The following TSHZ2 variants were observed in gnomAD, a reference collection of about 807,000 sequenced individuals.
TSHZ2 encodes teashirt homolog 2.
In TSHZ2, 21 loss-of-function variants were observed where a neutral mutation model predicts 74.4. The ratio of observed to expected loss-of-function variants is 0.28; its 90% CI spans 0.20 to 0.41. The LOEUF is 0.41. TSHZ2 is among the 10% of genes least tolerant of loss of function. TSHZ2 has a pLI of 1.00. For synonymous variants in TSHZ2, 540 were observed against 515.3 expected (o/e 1.05, Z -0.65); for missense variants, 1,244 against 1,293.5 (o/e 0.96, Z 0.59).
intron 2 of TSHZ2, chr20:53,421,164 C>T (rs1432843097): frequency 6.6e-6 from 1 of 152,440 alleles, no homozygotes; most frequent in Non-Finnish European, 1.5e-5. Flanking sequence ...ATAAGACTCA[C>T]TGACTCCATC....
At chr20:53,296,369 A>G (rs755956038) in intron 2 of TSHZ2, among the ~76,000 whole-genome samples, 2 of 152,220 alleles carry the variant, frequency 1.3e-5, no homozygotes, top group African/African-American at 2.4e-5. Context: ...AAAGATTGCA[A>G]TCTATCCTAT....
chr20:53,214,051 G>A (rs1168224215), intron 1 of TSHZ2, among the ~76,000 whole-genome samples: 1 of 152,156 alleles, frequency 6.6e-6, no homozygotes, highest in Non-Finnish European at 1.5e-5. Context: ...CAAATTCAGT[G>A]TGAAAACACA....
intron 1 of TSHZ2, among the ~76,000 whole-genome samples, chr20:53,171,035 A>G (rs1735414723): frequency 6.6e-6 from 1 of 151,970 alleles, no homozygotes; most frequent in South Asian, 2.1e-4. Context: ...TATGCACCGC[A>G]GCTTTAATTT....
intron 1 of TSHZ2, among the ~76,000 whole-genome samples, chr20:52,981,673 C>A (rs977417951): frequency 1.3e-5 from 2 of 152,204 alleles, no homozygotes; most frequent in Non-Finnish European, 2.9e-5. Flanking sequence ...GTTTTAGCCT[C>A]TTCTCCTGAG....
At chr20:53,455,832 T>C (rs1347628717) in intron 2 of TSHZ2, among the ~76,000 whole-genome samples, 2 of 151,646 alleles carry the variant, frequency 1.3e-5, no homozygotes, top group Admixed American at 6.6e-5. Context: ...GTTCTTGCGA[T>C]AGTTTACTGA....
In TSHZ2 at chr20:53,410,587, CATTATT is replaced by C. The variant is rs71194476; in HGVS notation, c.*9-76522_*9-76517del. Among the ~76,000 whole-genome samples the C allele has an allele frequency of 7.7e-3, 1,095 of 141,838 alleles. 10 individuals carry two copies. Among genetic ancestry groups the C allele is most frequent in the African/African-American group, 0.02 (763 of 38,420 alleles). 93.1% of individuals were successfully genotyped at this position (141,838 alleles called of 152,430 possible). On this transcript the variant is annotated intron_variant, in intron 2 of 2. Transcript: ENST00000371497. ...TTTGGGAATTCTGTTATTATCGTCA[CATTATT>C]ATTATTATTATTATTATTATTATTA... is the stretch of plus-strand genomic sequence containing the variant.
intron 1 of TSHZ2, among the ~76,000 whole-genome samples, chr20:53,210,216 C>A (rs1257973148): frequency 6.6e-6 from 1 of 152,174 alleles, no homozygotes; most frequent in Non-Finnish European, 1.5e-5. Flanking sequence ...TTTAGCCCTG[C>A]CATCCACGGA....
At chr20:53,419,341 A>G (rs1363068342) in intron 2 of TSHZ2, among the ~76,000 whole-genome samples, 2 of 152,232 alleles carry the variant, frequency 1.3e-5, no homozygotes, top group Non-Finnish European at 2.9e-5. Context: ...TTTATCTTCA[A>G]AATGGAAGGA....
chr20:53,182,175 TTCCTTCCTTTTCTTTC>T lies in TSHZ2; in HGVS notation c.41-71322_41-71307del, dbSNP rs981062809. Among the ~76,000 whole-genome samples the T allele has an allele frequency of 1.3e-4, 17 of 134,180 alleles. 1 individual carries two copies. In the East Asian group the frequency reaches 3.9e-3, roughly 31 times the overall value. 88.0% of individuals were successfully genotyped at this position (134,180 alleles called of 152,430 possible). On this transcript the variant is annotated intron_variant, in intron 1 of 2. Transcript: ENST00000371497. ...TCCCTCTCTTCCTTTTCTTTCTTTC[TTCCTTCCTTTTCTTTC>T]TTTCTTCTTCTCTTCCTCACTCCCT...
At chr20:53,061,440 G>A (rs1172579891) in intron 1 of TSHZ2, among the ~76,000 whole-genome samples, 1 of 152,156 alleles carries the variant, frequency 6.6e-6, no homozygotes, top group Non-Finnish European at 1.5e-5. Context: ...CATAAGAGAT[G>A]AAAAGGAAAA....
rs1170597208 is a variant in TSHZ2 at position 52,972,437 on chromosome 20, T to TTG, written c.-846_-845dup. ...TGTGTGCGAGGGTGTGTGTGTGTGT[T>TTG]TGTGTGTGTGTGCATATGTGGGGGG... On this transcript the variant is annotated 5_prime_UTR_variant, in exon 1 of 3. It introduces an in-frame stop codon into an upstream open reading frame of the 5' UTR. Coordinates refer to ENST00000371497, the MANE Select transcript of TSHZ2 (RefSeq NM_173485.6). 3 of 150,320 alleles carry TTG rather than the reference T, an allele frequency of 2.0e-5. No individual in the cohort carries two copies. The highest frequency in any genetic ancestry group is 2.0e-4 in the East Asian group (1 of 5,068). The allele number at this position is 150,320 out of a possible 1,614,324, so 9.3% of individuals were successfully genotyped here. A position where few individuals can be genotyped will look rare whatever the true frequency, so the allele number is the denominator to read the frequency against.
chr20:53,381,780 G>A (rs1981866322), intron 2 of TSHZ2, among the ~76,000 whole-genome samples: 1 of 151,996 alleles, frequency 6.6e-6, no homozygotes, highest in African/African-American at 2.4e-5. Flanking sequence ...CATGACTTTT[G>A]GTGTCTGTGT....
In TSHZ2 at chr20:53,493,903, T is replaced by C. The variant is rs1183164444; in HGVS notation, c.*6768T>C. ...CATTATCCTGAATATTAGCTTTCAA[T>C]GCAGTCACTATTTGACATTTCCAAA... On this transcript the variant is annotated 3_prime_UTR_variant, in exon 3 of 3. Transcript: ENST00000371497. The C allele has an allele frequency of 6.6e-6, 1 of 152,226 alleles. No homozygotes were observed. Among genetic ancestry groups the C allele is most frequent in the Non-Finnish European group, 1.5e-5 (1 of 68,042 alleles). 9.4% of individuals were successfully genotyped at this position (152,226 alleles called of 1,614,324 possible).
chr20:53,220,635 C>T (rs1989532786), intron 1 of TSHZ2, among the ~76,000 whole-genome samples: 2 of 152,160 alleles, frequency 1.3e-5, no homozygotes, highest in Admixed American at 6.5e-5. Flanking sequence ...CCGTATGTAC[C>T]ACAAAGCCTC....
chr20:53,366,411 T>C (rs1391884730), intron 2 of TSHZ2, among the ~76,000 whole-genome samples: 1 of 152,230 alleles, frequency 6.6e-6, no homozygotes, highest in Non-Finnish European at 1.5e-5. Context: ...AAGGAAATAA[T>C]TACTCAAAAA....
intron 1 of TSHZ2, among the ~76,000 whole-genome samples, chr20:53,020,045 G>T (rs771403249): frequency 6.6e-6 from 1 of 152,130 alleles, no homozygotes; most frequent in Non-Finnish European, 1.5e-5. Context: ...AAGAGAGTAT[G>T]CAGGGGGAAA....
At position 53,303,991 on chromosome 20, in the gene TSHZ2, T is replaced by C. The variant is rs543679703; in HGVS notation, c.*8+47420T>C. ...GGACCCAGCCCTTTCACCTTAATCA[T>C]TGACCATCCCCAACCTTCACACATC... On this transcript the variant is annotated intron_variant, in intron 2 of 2. Coordinates refer to ENST00000371497, the MANE Select transcript of TSHZ2 (RefSeq NM_173485.6). Among the ~76,000 whole-genome samples the C allele has an allele frequency of 2.0e-5, 3 of 152,256 alleles. No individual in the cohort carries two copies. In the East Asian group the frequency reaches 5.8e-4, roughly 29 times the overall value.
At chr20:53,463,755 G>A (rs1985474238) in intron 2 of TSHZ2, among the ~76,000 whole-genome samples, 6 of 152,220 alleles carry the variant, frequency 3.9e-5, no homozygotes, top group Non-Finnish European at 8.8e-5. Context: ...CCTACCTGGA[G>A]TGGGGCCAAG....
At chr20:53,161,627 G>T (rs976339918) in intron 1 of TSHZ2, among the ~76,000 whole-genome samples, 2 of 152,088 alleles carry the variant, frequency 1.3e-5, no homozygotes, top group Non-Finnish European at 2.9e-5. Context: ...AGCGAAAGAG[G>T]AACTGCCAAA....
Sources: gnomAD v4.1 joint callset for allele counts (sites outside exome capture counted in the v4.1 genomes callset) on GRCh38, gnomAD v4.1.1 for gene constraint, MANE v1.5 for transcripts, NCBI Gene and HGNC (gene_info 2026-07-23, HGNC 2026-07-21) for gene names.